ZNF615: variants seen among roughly 807,000 people sequenced by gnomAD.
ZNF615 encodes zinc finger protein 615.
Under a neutral mutation model 15.3 loss-of-function variants are expected in ZNF615, and 15 were observed. The ratio of observed to expected loss-of-function variants is 0.98; its 90% confidence interval spans 0.66 to 1.51. ZNF615 has a LOEUF of 1.51. Ranked by LOEUF, ZNF615 falls within the 40% of genes most tolerant of loss-of-function variation. The probability of loss-of-function intolerance (pLI) is 0.00; values close to 1 mark genes in which losing one functional copy is unlikely to be tolerated. For synonymous variants in ZNF615, 268 were observed against 294.6 expected (o/e 0.91, Z 0.92); for missense variants, 848 against 895.9 (o/e 0.95, Z 0.68).
rs1306909592 is a variant in ZNF615, at chr19:51,993,590, TCA to T, written c.1517_1518del (p.Val506GlufsTer21). On this transcript the variant is annotated frameshift_variant, in exon 7 of 7. Coordinates refer to ENST00000598071, the MANE Select transcript of ZNF615 (RefSeq NM_001199324.2). LOFTEE classifies it low-confidence loss of function (END_TRUNC). ...CGCTGATGCACAATAAGGCGGCTCT[TCA>T]CAGTGAAGCCTTTTCCACAATCATT... is the stretch of plus-strand genomic sequence containing the variant. ...ICNDCGKGFT[V>X]KSRLIVHQRT... 1.9e-6 allele frequency: 3 copies of T among 1,614,064 alleles called. No homozygotes were observed. The highest frequency in any genetic ancestry group is 2.5e-6 in the Non-Finnish European group (3 of 1,180,038).
At chr19:52,002,048 G>C (rs2086612772) in intron 4 of ZNF615, 107 bp downstream of exon 4, 3 of 1,611,802 alleles carry the variant, frequency 1.9e-6, no homozygotes, top group Non-Finnish European at 2.5e-6. Context: ...TGTGGGGCAA[G>C]AGAATGATGT....
Position 51,992,898 on chromosome 19 carries a change from G to C in ZNF615, c.2211C>G (p.His737Gln), listed in dbSNP as rs759352960. 6.2e-7 allele frequency: 1 copy of C among 1,613,912 alleles called. No individual in the cohort carries two copies. ...AFAHLSILVK[H>Q]RRIHR Reference sequence around the variant, plus strand: ...AAAATGACTACCTGTGAATTCTCCTGTGTTTAACAAGGATAGACAAGTGCG... The same window carrying C: ...AAAATGACTACCTGTGAATTCTCCTCTGTTTAACAAGGATAGACAAGTGCG... The change falls in exon 7 of 7, where the codon CAC becomes CAG. Residue 737 changes from histidine (H) to glutamine (Q), a missense_variant. Coordinates refer to ENST00000598071, the MANE Select transcript of ZNF615 (RefSeq NM_001199324.2).
chr19:52,006,550 C>G (rs148844325), intron 2 of ZNF615, among the ~76,000 whole-genome samples: 12 of 152,110 alleles, frequency 7.9e-5, no homozygotes, highest in African/African-American at 2.9e-4. Flanking sequence ...ATAAATAAAG[C>G]AATTAAAGGG....
In ZNF615 at chr19:51,992,894, T is replaced by C; in HGVS notation, c.2215A>G (p.Arg739Gly). Residue 739 changes from arginine to glycine, a missense_variant, in exon 7 of 7, where the codon AGA becomes GGA. Transcript: ENST00000598071. Reference sequence around the variant, plus strand: ...TCCCAAAATGACTACCTGTGAATTCTCCTGTGTTTAACAAGGATAGACAAG... The same window carrying C: ...TCCCAAAATGACTACCTGTGAATTCCCCTGTGTTTAACAAGGATAGACAAG... ...AHLSILVKHR[R>G]IHR 6.2e-7 allele frequency: 1 copy of C among 1,613,932 alleles called. No individual in the cohort carries two copies. Among genetic ancestry groups the C allele is most frequent in the Non-Finnish European group, 8.5e-7 (1 of 1,179,828 alleles).
chr19:51,998,861 G>T (rs1313111729), intron 6 of ZNF615, among the ~76,000 whole-genome samples: 1 of 152,076 alleles, frequency 6.6e-6, no homozygotes, highest in East Asian at 1.9e-4. Context: ...CACCATGTTG[G>T]CCAGGCTGGT....
chr19:52,003,588 G>A, intron 3 of ZNF615, 109 bp downstream of exon 3: 1 of 998,538 alleles, frequency 1.0e-6, no homozygotes, highest in Non-Finnish European at 1.5e-6. Flanking sequence ...GATTTCTCCA[G>A]GTCCTGATAT....
At chr19:52,003,549 A>G (rs1164733172) in intron 3 of ZNF615, 148 bp downstream of exon 3, 1 of 687,850 alleles carries the variant, frequency 1.5e-6, no homozygotes, top group East Asian at 2.8e-5. Context: ...AATCCTATGA[A>G]TAATATATCC....
Position 51,994,105 on chromosome 19 carries a change from G to A in ZNF615, c.1004C>T (p.Ala335Val). The stretch of plus-strand genomic sequence containing the variant: ...AGTGAGACTGAACTTTGTAGAGAAG[G>A]CCTTCCCACATACACTGCATCCATG... ...KPHGCSVCGK[A>V]FSTKFSLTTH... Residue 335 changes from alanine to valine, a missense_variant, in exon 7 of 7, where the codon GCC (alanine) becomes GTC (valine). Transcript: ENST00000598071. 1 of 1,613,654 alleles carries A rather than the reference G, an allele frequency of 6.2e-7. No homozygotes were observed. Among genetic ancestry groups the A allele is most frequent in the South Asian group, 1.1e-5 (1 of 91,050 alleles).
chr19:51,999,945 C>T (rs766936847), intron 6 of ZNF615, among the ~76,000 whole-genome samples: 5 of 152,098 alleles, frequency 3.3e-5, no homozygotes, highest in Admixed American at 6.6e-5. Flanking sequence ...GCCTGCAGCA[C>T]GATTCACAAC....
chr19:51,996,853 A>T (rs1367880440), intron 6 of ZNF615, among the ~76,000 whole-genome samples: 1 of 152,218 alleles, frequency 6.6e-6, no homozygotes, highest in Non-Finnish European at 1.5e-5. Context: ...GTAAGAATGT[A>T]ATAGCCTCTT....
rs765460117 is a variant in ZNF615, at chr19:51,994,375, C to A, written c.734G>T (p.Cys245Phe). The change falls in exon 7 of 7, where the codon TGC becomes TTC. Residue 245 changes from cysteine (C) to phenylalanine (F), a missense_variant. Transcript: ENST00000598071. Reference protein sequence around the residue: ...RVHTGEKPHVCSMCGKAFSRK... With the variant: ...RVHTGEKPHVFSMCGKAFSRK... Reference sequence around the variant, plus strand: ...GGAGAAAGCTTTCCCACACATACTGCATACATGAGGTTTTTCTCCAGTGTG... The same window carrying A: ...GGAGAAAGCTTTCCCACACATACTGAATACATGAGGTTTTTCTCCAGTGTG... 1.2e-6 allele frequency: 2 copies of A among 1,614,148 alleles called. No homozygotes were observed. The highest frequency in any genetic ancestry group is 1.7e-6 in the Non-Finnish European group (2 of 1,180,036).
chr19:51,993,629 G>T lies in ZNF615; in HGVS notation c.1480C>A (p.Pro494Thr). Residue 494 changes from proline to threonine, a missense_variant, in exon 7 of 7, where the codon CCA becomes ACA. Pro to Thr is a conservative substitution (Grantham distance 38, BLOSUM62 -1). Coordinates refer to ENST00000598071, the MANE Select transcript of ZNF615 (RefSeq NM_001199324.2). ...VHQRTHTAEK[P>T]YICNDCGKGF... ...TTTCCACAATCATTGCATATATATG[G>T]CTTCTCTGCAGTATGAGTTCGCTGA... The T allele has an allele frequency of 1.2e-6, 2 of 1,613,956 alleles. No individual in the cohort carries two copies. Among genetic ancestry groups the T allele is most frequent in the Non-Finnish European group, 1.7e-6 (2 of 1,179,974 alleles).
At position 51,993,261 on chromosome 19, in the gene ZNF615, G is replaced by T. The variant is rs1055943561; in HGVS notation, c.1848C>A (p.Phe616Leu). 2 of 1,614,136 alleles carry T rather than the reference G, an allele frequency of 1.2e-6. No homozygotes were observed. The highest frequency in any genetic ancestry group is 1.7e-6 in the Non-Finnish European group (2 of 1,180,014). ...PYICNECGKG[F>L]TMKSTLSIHQ... is the part of the protein sequence containing the mutation. Reference sequence around the variant, plus strand: ...GTATACTGAGAGTACTCTTCATGGTGAAGCCCTTTCCACATTCATTGCATA... The same window carrying T: ...GTATACTGAGAGTACTCTTCATGGTTAAGCCCTTTCCACATTCATTGCATA... The change falls in exon 7 of 7, where the codon TTC (phenylalanine) becomes TTA (leucine). Residue 616 changes from phenylalanine (F) to leucine (L), a missense_variant. Transcript: ENST00000598071.
In ZNF615 at chr19:51,994,273, G is replaced by A; in HGVS notation, c.836C>T (p.Thr279Ile). 6.2e-7 allele frequency: 1 copy of A among 1,614,106 alleles called. No individual in the cohort carries two copies. The highest frequency in any genetic ancestry group is 2.2e-5 in the East Asian group (1 of 44,876). The change falls in exon 7 of 7, where the codon ACC becomes ATC. Residue 279 changes from threonine to isoleucine, a missense_variant. By Grantham distance (89) the Thr-to-Ile change is moderately conservative. Transcript: ENST00000598071. Reference sequence around the variant, plus strand: ...ATTGAGCTGTGATTTCTTGAGGAAGGTTTTGTCACATTCAGTGCATTCATA... The same window carrying A: ...ATTGAGCTGTGATTTCTTGAGGAAGATTTTGTCACATTCAGTGCATTCATA... ...KHYECTECDKTFLKKSQLNIH... is the reference protein window; with the variant it reads ...KHYECTECDKIFLKKSQLNIH...
rs1158913659 is a variant in ZNF615, at chr19:51,992,715, A to G, written c.*165T>C. 1 of 870,698 alleles carries G rather than the reference A, an allele frequency of 1.1e-6. No homozygotes were observed. The highest frequency in any genetic ancestry group is 2.5e-5 in the Admixed American group (1 of 40,442). 53.9% of individuals were successfully genotyped at this position (870,698 alleles called of 1,614,324 possible). On this transcript the variant is annotated 3_prime_UTR_variant, in exon 7 of 7. Transcript: ENST00000598071. ...TCTCAGTATACAATTTTTAGACATA[A>G]TGTCCTAAAATATTTTCTCAAATGT...
rs1160581956 is a variant in ZNF615, at chr19:51,993,422, TC to T, written c.1686del (p.Lys563ArgfsTer26). 1.2e-6 allele frequency: 2 copies of T among 1,614,040 alleles called. No homozygotes were observed. The highest frequency in any genetic ancestry group is 1.7e-5 in the Admixed American group (1 of 59,998). ...ICNECGKGFT[E>X]KSHLNVHRRT... ...CGCCGATGTACATTGAGATGACTCT[TC>T]TCAGTGAAGCCTTTTCCACACTCAT... On this transcript the variant is annotated frameshift_variant, in exon 7 of 7. Transcript: ENST00000598071. LOFTEE classifies it low-confidence loss of function (END_TRUNC).
rs2086333894 is a variant in ZNF615, at chr19:51,993,948, TTTA to T, written c.1158_1160del (p.Asn386del). The T allele has an allele frequency of 6.2e-7, 1 of 1,613,980 alleles. No individual in the cohort carries two copies. The highest frequency in any genetic ancestry group is 1.3e-5 in the African/African-American group (1 of 75,024). Reference sequence around the variant, plus strand: ...TCTTCAAGGTGAAGCCTTTCCCACATTTATTGCATATAAAGGGTTTCTCACCAG... The same window carrying T: ...TCTTCAAGGTGAAGCCTTTCCCACATTTGCATATAAAGGGTTTCTCACCAG... On this transcript the variant is annotated inframe_deletion, in exon 7 of 7. Transcript: ENST00000598071.
chr19:51,994,871 A>G (rs1192195146), intron 6 of ZNF615, 34 bp from the exon 7 acceptor site: 10 of 1,522,970 alleles, frequency 6.6e-6, no homozygotes, highest in South Asian at 1.3e-5. Flanking sequence ...TCACTCCATC[A>G]TCTTGTTTTG....
intron 5 of ZNF615, 83 bp from the exon 6 acceptor site, chr19:52,000,461 A>G: frequency 1.9e-6 from 1 of 539,910 alleles, no homozygotes; most frequent in Non-Finnish European, 3.3e-6. Flanking sequence ...TCTTAGAGGG[A>G]AGATGATTCT....
Sources: gnomAD v4.1 joint callset for allele counts (sites outside exome capture counted in the v4.1 genomes callset) on GRCh38, gnomAD v4.1.1 for gene constraint, MANE v1.5 for transcripts, NCBI Gene and HGNC (gene_info 2026-07-23, HGNC 2026-07-21) for gene names.